The following RBFOX1 variants were observed in gnomAD, a reference collection of about 807,000 sequenced individuals.
The protein encoded by RBFOX1 is RNA binding protein fox-1 homolog 1.
Under a neutral mutation model 57.7 loss-of-function variants are expected in RBFOX1, and 8 were observed. The observed-to-expected ratio is 0.14, with a 90% CI of 0.08 to 0.25. The LOEUF is 0.25. RBFOX1 is among the 10% of genes least tolerant of loss of function. The pLI, the probability that RBFOX1 is intolerant of heterozygous loss-of-function variation, is 1.00. For missense variants in RBFOX1, 611 were observed against 548.5 expected, an observed-to-expected ratio of 1.11 and a Z score of -1.14; for synonymous variants, 326 against 222.4, an observed-to-expected ratio of 1.47 and a Z score of -4.15.
intron 1 of RBFOX1, among the ~76,000 whole-genome samples, chr16:6,254,243 C>G (rs1393746951): frequency 6.6e-6 from 1 of 152,106 alleles, no homozygotes; most frequent in Non-Finnish European, 1.5e-5. Flanking sequence ...GAGCCTGGAT[C>G]CATGTGAACT....
At chr16:7,601,405 C>T (rs749918707) in intron 9 of RBFOX1, among the ~76,000 whole-genome samples, 2 of 152,166 alleles carry the variant, frequency 1.3e-5, no homozygotes, top group Admixed American at 6.5e-5. Flanking sequence ...TATTTGATTA[C>T]ACATAGTTTC....
downstream of RBFOX1, among the ~76,000 whole-genome samples, chr16:5,602,824 A>G (rs1373717324): frequency 6.6e-6 from 1 of 152,206 alleles, no homozygotes; most frequent in Non-Finnish European, 1.5e-5. Flanking sequence ...TTGTAATAAT[A>G]GTACTAATAC....
intron 4 of RBFOX1, among the ~76,000 whole-genome samples, chr16:7,329,484 C>G (rs942665806): frequency 6.6e-6 from 1 of 152,214 alleles, no homozygotes; most frequent in Non-Finnish European, 1.5e-5. Flanking sequence ...AGAATCACAG[C>G]TCAGCAATAC....
intron 3 of RBFOX1, among the ~76,000 whole-genome samples, chr16:5,802,110 T>C (rs1357774711): frequency 2.0e-5 from 3 of 152,098 alleles, no homozygotes; most frequent in Non-Finnish European, 4.4e-5. Context: ...TCTGGAGTAG[T>C]GTATAAGCTC....
At chr16:5,582,023 G>C (rs1174121664) in intron 2 of RBFOX1, among the ~76,000 whole-genome samples, 1 of 152,204 alleles carries the variant, frequency 6.6e-6, no homozygotes, top group Non-Finnish European at 1.5e-5. Context: ...ACAGAAGGTG[G>C]CTTCTAATTG....
intron 4 of RBFOX1, among the ~76,000 whole-genome samples, chr16:7,093,797 G>A (rs535831645): frequency 2.0e-5 from 3 of 152,098 alleles, no homozygotes; most frequent in South Asian, 4.1e-4. Context: ...CTGAAATTCT[G>A]TTTACATGCA....
At chr16:7,184,741 A>G (rs1281555912) in intron 4 of RBFOX1, among the ~76,000 whole-genome samples, 1 of 152,198 alleles carries the variant, frequency 6.6e-6, no homozygotes, top group Non-Finnish European at 1.5e-5. Flanking sequence ...GTGGAGTTAC[A>G]GGTAGAACTT....
intron 4 of RBFOX1, among the ~76,000 whole-genome samples, chr16:7,130,447 A>G (rs2069973368): frequency 6.6e-6 from 1 of 152,204 alleles, no homozygotes; most frequent in Admixed American, 6.5e-5. Context: ...TGTGAACCAC[A>G]TCCTTTTAGG....
At position 7,246,692 on chromosome 16, in the gene RBFOX1, C is replaced by G. The variant is rs145899363; in HGVS notation, c.27+194594C>G. On this transcript the variant is annotated intron_variant, in intron 4 of 15. Coordinates refer to ENST00000550418, the MANE Select transcript of RBFOX1 (RefSeq NM_018723.4). ...AATGCAATTATTCCTTCCCTTTCCT[C>G]CTTGGTAAAACAGAACTCTTGGAGT... 3.0e-3 allele frequency among the ~76,000 whole-genome samples: 418 copies of G among 138,220 alleles called. No individual in the cohort carries two copies. In the Middle Eastern group the frequency reaches 0.036, roughly 12 times the overall value. The allele number at this position is 138,220 out of a possible 152,430, so 90.7% of individuals were successfully genotyped here.
chr16:7,384,346 C>G (rs556721018), intron 4 of RBFOX1, among the ~76,000 whole-genome samples: 1 of 151,950 alleles, frequency 6.6e-6, no homozygotes, highest in Non-Finnish European at 1.5e-5. Context: ...ATATGAAAAA[C>G]GAGGAATATA....
At chr16:6,223,075 C>G (rs2097387821) in intron 1 of RBFOX1, among the ~76,000 whole-genome samples, 1 of 148,730 alleles carries the variant, frequency 6.7e-6, no homozygotes, top group Non-Finnish European at 1.5e-5. Flanking sequence ...GTATATGTGC[C>G]ACATTTTCTT....
chr16:6,454,517 C>T (rs1186510291), intron 2 of RBFOX1, among the ~76,000 whole-genome samples: 1 of 152,134 alleles, frequency 6.6e-6, no homozygotes, highest in Non-Finnish European at 1.5e-5. Flanking sequence ...GAGATTGCTC[C>T]ACTGCACTGT....
intron 5 of RBFOX1, among the ~76,000 whole-genome samples, chr16:7,553,159 T>G (rs2087127069): frequency 6.6e-6 from 1 of 152,154 alleles, no homozygotes; most frequent in South Asian, 2.1e-4. Context: ...TCTTTCTCTT[T>G]TTAGAGACAG....
rs376177380 is a variant in RBFOX1 at position 6,716,576 on chromosome 16, C to G, written c.-16+61926C>G. Among the ~76,000 whole-genome samples, 8 of 152,330 alleles carry G rather than the reference C, an allele frequency of 5.3e-5. 1 individual carries two copies. Among genetic ancestry groups the G allele is most frequent in the African/African-American group, 1.9e-4 (8 of 41,578 alleles). On this transcript the variant is annotated intron_variant, in intron 3 of 15. Transcript: ENST00000550418. ...TCCATCTTCTTGGAATGGAACTTGTCTCAGAATCTTTCAGGCGATTGCCTG... is the reference window on the plus strand; with the variant it reads ...TCCATCTTCTTGGAATGGAACTTGTGTCAGAATCTTTCAGGCGATTGCCTG...
chr16:6,074,236 C>T (rs112378650), intron 1 of RBFOX1, among the ~76,000 whole-genome samples: 1,789 of 152,306 alleles, frequency 0.012, 46 homozygotes, highest in African/African-American at 0.041. Flanking sequence ...GCATGAGCCA[C>T]AGCGCCCGGC....
At chr16:5,846,314 AC>A (rs1383362176) in intron 3 of RBFOX1, among the ~76,000 whole-genome samples, 1 of 151,766 alleles carries the variant, frequency 6.6e-6, no homozygotes, top group African/African-American at 2.4e-5. Flanking sequence ...AGAAGAGGGC[AC>A]CCCCCTCTTA....
chr16:5,943,001 G>T (rs188754735), intron 4 of RBFOX1, among the ~76,000 whole-genome samples: 15 of 152,260 alleles, frequency 9.9e-5, no homozygotes, highest in Admixed American at 8.5e-4. Flanking sequence ...CCCCCCAAGG[G>T]GTCTGCACTG....
chr16:7,172,404 A>G (rs755668870), intron 4 of RBFOX1, among the ~76,000 whole-genome samples: 6 of 152,212 alleles, frequency 3.9e-5, no homozygotes, highest in Non-Finnish European at 8.8e-5. Flanking sequence ...AGTGTGAAAC[A>G]CATTGTTATT....
chr16:5,969,829 C>G (rs1430818148), intron 4 of RBFOX1, among the ~76,000 whole-genome samples: 1 of 151,952 alleles, frequency 6.6e-6, no homozygotes, highest in Non-Finnish European at 1.5e-5. Flanking sequence ...TTGCTGCTGA[C>G]TTCCAGCAAT....
Sources: allele counts gnomAD v4.1 joint callset (sites outside exome capture counted in the v4.1 genomes callset), GRCh38; gene constraint gnomAD v4.1.1; transcripts MANE v1.5; gene names NCBI Gene and HGNC (gene_info 2026-07-23, HGNC 2026-07-21).